MXD3: variants seen among roughly 807,000 people sequenced by gnomAD.
MXD3 encodes Max-associated protein 3.
Under a neutral mutation model 27.5 loss-of-function variants are expected in MXD3, and 20 were observed. The ratio of observed to expected loss-of-function variants is 0.73; its 90% CI spans 0.51 to 1.06. The LOEUF is 1.06. MXD3 is among the 50% of genes least tolerant of loss of function. The probability of loss-of-function intolerance (pLI) is 0.00; values close to 1 mark genes in which losing one functional copy is unlikely to be tolerated. For synonymous variants in MXD3, 150 were observed against 130.7 expected (o/e 1.15, Z -1.01); for missense variants, 298 against 291.3 (o/e 1.02, Z -0.17).
chr5:177,305,651 T>C, downstream of MXD3: 1 of 562,008 alleles, frequency 1.8e-6, no homozygotes, highest in Non-Finnish European at 3.2e-6. Flanking sequence ...GAGAGAGACC[T>C]TTTGCCTTCT....
chr5:177,308,004 G>T, intron 4 of MXD3, 40 bp from the exon 5 acceptor site: 1 of 1,473,824 alleles, frequency 6.8e-7, no homozygotes, highest in Non-Finnish European at 9.0e-7. Flanking sequence ...GGTCAGCGGC[G>T]TGGGGGCTTG....
rs540041836 is a variant in MXD3, at chr5:177,307,769, C to A, written c.505+12G>T. 1 of 1,613,130 alleles carries A rather than the reference C, an allele frequency of 6.2e-7. No homozygotes were observed. ...CGAGGGCCACACAACCCCTCAGCCT[C>A]GGGGCACTCACCTTGGTCTGAGTCT... On this transcript the variant is annotated intron_variant, in intron 5 of 5. Coordinates refer to ENST00000439742, the MANE Select transcript of MXD3 (RefSeq NM_031300.4).
downstream of MXD3, chr5:177,306,637 C>CTT: frequency 6.5e-7 from 1 of 1,542,686 alleles, no homozygotes; most frequent in Non-Finnish European, 8.8e-7. Context: ...CTTCATTGTA[C>CTT]TTTATCATTA....
intron 4 of MXD3, among the ~76,000 whole-genome samples, chr5:177,309,951 T>G (rs1760991954): frequency 6.6e-6 from 1 of 152,204 alleles, no homozygotes; most frequent in South Asian, 2.1e-4. Context: ...TTTCCCCTCC[T>G]GTCCCTGGAG....
chr5:177,306,946 T>A, downstream of MXD3: 1 of 971,934 alleles, frequency 1.0e-6, no homozygotes, highest in Non-Finnish European at 1.5e-6. Flanking sequence ...ACTTGTTGAA[T>A]TCAGTTGGCC....
Position 177,311,763 on chromosome 5 carries a change from C to G in MXD3, c.68G>C (p.Arg23Thr). The G allele has an allele frequency of 6.2e-7, 1 of 1,613,182 alleles. No homozygotes were observed. Among genetic ancestry groups the G allele is most frequent in the Non-Finnish European group, 8.5e-7 (1 of 1,179,610 alleles). ...QAAEFLERRE[R>T]EAEHGYASLC... Reference sequence around the variant, plus strand: ...TTCAGCCAAGGGTCCTTCCTCACCTCTCTCACGGCGCTCCAGGAACTCGGC... The same window carrying G: ...TTCAGCCAAGGGTCCTTCCTCACCTGTCTCACGGCGCTCCAGGAACTCGGC... Residue 23 changes from arginine (R) to threonine (T), a missense_variant and splice_region_variant, in exon 1 of 6, where the codon AGA becomes ACA. Coordinates refer to ENST00000439742, the MANE Select transcript of MXD3 (RefSeq NM_031300.4).
At chr5:177,309,605 G>A (rs1760984723) in intron 4 of MXD3, among the ~76,000 whole-genome samples, 1 of 152,246 alleles carries the variant, frequency 6.6e-6, no homozygotes, top group Admixed American at 6.5e-5. Context: ...AGGTCTTTGT[G>A]TGCCACAGCC....
rs1433240790 is a variant in MXD3, at chr5:177,307,818, G to A, written c.468C>T (p.Ser156=). 1 of 1,612,824 alleles carries A rather than the reference G, an allele frequency of 6.2e-7. No individual in the cohort carries two copies. The highest frequency in any genetic ancestry group is 8.5e-7 in the Non-Finnish European group (1 of 1,179,714). ...CTGAGCGCTCAGAGGAGAGGCCTGA[G>A]GAGTCCAGACTGTCCGCCCGCAGCC... is the stretch of plus-strand genomic sequence containing the variant. ...RERLRADSLD[S]SGLSSERSDS... Residue 156 remains serine (S), a synonymous_variant, in exon 5 of 6, where the codon TCC becomes TCT. Transcript: ENST00000439742.
chr5:177,310,351 G>T, intron 4 of MXD3, 75 bp downstream of exon 4: 1 of 1,209,140 alleles, frequency 8.3e-7, no homozygotes, highest in Non-Finnish European at 1.2e-6. Flanking sequence ...TCGTTCCCCA[G>T]TCCCACCAGC....
At chr5:177,312,684 G>C (rs142916643), upstream of MXD3, 645 of 985,440 alleles carry the variant, frequency 6.5e-4, 2 homozygotes, top group African/African-American at 0.011. Context: ...AGCTGTTGTT[G>C]CTACGAAAAC....
Position 177,307,238 on chromosome 5 carries a change from T to C in MXD3, c.*350A>G, listed in dbSNP as rs1561593896. The C allele has an allele frequency of 5.2e-6, 8 of 1,551,724 alleles. No individual in the cohort carries two copies. Among genetic ancestry groups the C allele is most frequent in the South Asian group, 1.2e-5 (1 of 84,058 alleles). ...TGAAAGAGGCTTTTAATGAAAATACTGTACAGTTTATGTGAGGCAAAGGCA... is the reference window on the plus strand; with the variant it reads ...TGAAAGAGGCTTTTAATGAAAATACCGTACAGTTTATGTGAGGCAAAGGCA... On this transcript the variant is annotated 3_prime_UTR_variant, in exon 6 of 6. Transcript: ENST00000439742.
At chr5:177,312,676 C>G, upstream of MXD3, 1 of 985,458 alleles carries the variant, frequency 1.0e-6, no homozygotes, top group Non-Finnish European at 1.2e-6. Context: ...TGTGAGGAAG[C>G]TGTTGTTGCT....
chr5:177,312,451 A>C (rs904542239), upstream of MXD3: 38 of 985,394 alleles, frequency 3.9e-5, no homozygotes, highest in South Asian at 1.4e-4. Flanking sequence ...GCGGGAAAAG[A>C]AGCAGGTTTC....
chr5:177,307,988 G>T lies in MXD3; in HGVS notation c.322-24C>A, dbSNP rs778694440. 12 of 1,502,940 alleles carry T rather than the reference G, an allele frequency of 8.0e-6. No homozygotes were observed. In the South Asian group the frequency reaches 1.4e-4, roughly 18 times the overall value. The allele number at this position is 1,502,940 out of a possible 1,614,324, so 93.1% of individuals were successfully genotyped here. The stretch of plus-strand genomic sequence containing the variant: ...TTCTGCGGATCCCAAAGGAGCAAGG[G>T]GCTGGGGTCAGCGGCGTGGGGGCTT... On this transcript the variant is annotated intron_variant, in intron 4 of 5. Coordinates refer to ENST00000439742, the MANE Select transcript of MXD3 (RefSeq NM_031300.4).
rs1334345251 is a variant in MXD3, at chr5:177,307,369, G to T, written c.*219C>A. On this transcript the variant is annotated 3_prime_UTR_variant, in exon 6 of 6. Coordinates refer to ENST00000439742, the MANE Select transcript of MXD3 (RefSeq NM_031300.4). ...GGCCCAAGCTGCCTGCCCTGCAGGGGTCCAGGGAGGTCCTGATGAGTCCTG... is the reference window on the plus strand; with the variant it reads ...GGCCCAAGCTGCCTGCCCTGCAGGGTTCCAGGGAGGTCCTGATGAGTCCTG... The T allele has an allele frequency of 6.7e-7, 1 of 1,500,376 alleles. No homozygotes were observed. The highest frequency in any genetic ancestry group is 1.2e-5 in the South Asian group (1 of 83,066). The allele number at this position is 1,500,376 out of a possible 1,614,324, so 92.9% of individuals were successfully genotyped here.
At chr5:177,308,382 T>C (rs67008484) in intron 4 of MXD3, among the ~76,000 whole-genome samples, 25,882 of 151,876 alleles carry the variant, frequency 0.17, 2,872 homozygotes, top group Middle Eastern at 0.26. Flanking sequence ...TTTTTTGTTT[T>C]TTTTTTTTGA....
At chr5:177,311,636 T>C (rs1161548028) in intron 1 of MXD3, 125 bp downstream of exon 1, 2 of 1,196,748 alleles carry the variant, frequency 1.7e-6, no homozygotes, top group Non-Finnish European at 1.1e-6. Context: ...CCTCTCGAGT[T>C]GAGGGCGAGG....
chr5:177,307,347 C>T lies in MXD3; in HGVS notation c.*241G>A. 1 of 1,533,216 alleles carries T rather than the reference C, an allele frequency of 6.5e-7. No individual in the cohort carries two copies. The highest frequency in any genetic ancestry group is 8.8e-7 in the Non-Finnish European group (1 of 1,132,690). 95.0% of individuals were successfully genotyped at this position (1,533,216 alleles called of 1,614,324 possible). The stretch of plus-strand genomic sequence containing the variant: ...CAGAGCCAAATGCTTGGGCTCGGGC[C>T]CAAGCTGCCTGCCCTGCAGGGGTCC... On this transcript the variant is annotated 3_prime_UTR_variant, in exon 6 of 6. Coordinates refer to ENST00000439742, the MANE Select transcript of MXD3 (RefSeq NM_031300.4).
At chr5:177,306,002 G>T (rs1320989673), downstream of MXD3, 13 of 1,609,736 alleles carry the variant, frequency 8.1e-6, no homozygotes, top group South Asian at 1.1e-5. Context: ...GTGTTGTTGG[G>T]GCTGCTGGGG....
Sources: allele counts gnomAD v4.1 joint callset (sites outside exome capture counted in the v4.1 genomes callset), GRCh38; gene constraint gnomAD v4.1.1; transcripts MANE v1.5; gene names NCBI Gene and HGNC (gene_info 2026-07-23, HGNC 2026-07-21).